The following HMCN1 variants were observed in gnomAD, a reference collection of about 807,000 sequenced individuals.
HMCN1 encodes the protein hemicentin 1, also known as hemicentin-1.
HMCN1 carries 321 observed loss-of-function variants against 625.9 expected under a neutral mutation model. The ratio of observed to expected loss-of-function variants is 0.51; its 90% confidence interval spans 0.47 to 0.56. The LOEUF (loss-of-function observed/expected upper bound fraction) is 0.56. Among genes scored for constraint, HMCN1 ranks in the 20% least tolerant of loss-of-function variants. The pLI is 0.00. For synonymous variants in HMCN1, 2,425 were observed against 2,417.6 expected, an observed-to-expected ratio of 1.00 and a Z score of -0.09; for missense variants, 6,588 against 6,887.3, an observed-to-expected ratio of 0.96 and a Z score of 1.54.
chr1:185,807,765 G>A (rs568951792), intron 1 of HMCN1, among the ~76,000 whole-genome samples: 1 of 152,204 alleles, frequency 6.6e-6, no homozygotes, highest in Admixed American at 6.5e-5. Context: ...TTCTGCAAAA[G>A]TCTTTTATGA....
rs139101272 is a variant in HMCN1 at position 186,154,469 on chromosome 1, C to T, written c.15256+482C>T. 2.7e-3 allele frequency among the ~76,000 whole-genome samples: 409 copies of T among 152,198 alleles called. 2 individuals are homozygous for T. The highest frequency in any genetic ancestry group is 9.0e-3 in the African/African-American group (373 of 41,508). On this transcript the variant is annotated intron_variant, in intron 97 of 106. Transcript: ENST00000271588. ...CCCAGGAGGCAGAGGTTGCAGTGAG[C>T]CGAGATCACGCCACTGCACTCCAGC...
intron 22 of HMCN1, among the ~76,000 whole-genome samples, chr1:185,991,598 C>T (rs1652426770): frequency 6.6e-6 from 1 of 152,048 alleles, no homozygotes; most frequent in South Asian, 2.1e-4. Flanking sequence ...CAACATTTAT[C>T]TACTATTATA....
chr1:185,861,731 T>C (rs1441293491), intron 2 of HMCN1, among the ~76,000 whole-genome samples: 4 of 152,196 alleles, frequency 2.6e-5, no homozygotes, highest in Non-Finnish European at 4.4e-5. Flanking sequence ...ATATGTTAAG[T>C]ACCACTAAAG....
chr1:185,956,622 T>C (rs1649648490), intron 11 of HMCN1, among the ~76,000 whole-genome samples: 1 of 151,046 alleles, frequency 6.6e-6, no homozygotes, highest in South Asian at 2.1e-4. Flanking sequence ...GAACCCTGGC[T>C]TTTTTTTTGG....
intron 40 of HMCN1, among the ~76,000 whole-genome samples, chr1:186,043,234 A>G (rs1220677718): frequency 1.3e-5 from 2 of 152,114 alleles, no homozygotes; most frequent in African/African-American, 4.8e-5. Context: ...CAACATAACC[A>G]CAAAGCAAAA....
chr1:186,114,911 G>A lies in HMCN1; in HGVS notation c.11369G>A (p.Gly3790Glu), dbSNP rs1225108257. The change falls in exon 74 of 107, where the codon GGA becomes GAA. Residue 3790 changes from glycine to glutamate, a missense_variant. Gly to Glu is a moderately conservative substitution (Grantham distance 98, BLOSUM62 -2). Around this residue, in one of 3 missense-constraint regions of HMCN1, gnomAD observed 4,628 missense variants for 4,853.1 expected, o/e 0.95. Coordinates refer to ENST00000271588, the MANE Select transcript of HMCN1 (RefSeq NM_031935.3). The stretch of plus-strand genomic sequence containing the variant: ...TTGTGTATGGCCACCAATGCTGCTG[G>A]AACAGATCGCAGGCGAATAGATTTA... ...RYLCMATNAAGTDRRRIDLQV... is the reference protein window; with the variant it reads ...RYLCMATNAAETDRRRIDLQV... The A allele has an allele frequency of 6.2e-7, 1 of 1,614,142 alleles. No individual in the cohort carries two copies. Among genetic ancestry groups the A allele is most frequent in the South Asian group, 1.1e-5 (1 of 91,076 alleles).
rs60296562 is a variant in HMCN1, at chr1:185,877,103, G to A, written c.621+11240G>A. Among the ~76,000 whole-genome samples, 1,371 of 151,862 alleles carry A rather than the reference G, an allele frequency of 9.0e-3. 19 individuals carry two copies. Among genetic ancestry groups the A allele is most frequent in the African/African-American group, 0.032 (1,317 of 41,474 alleles). ...TTTTGTATATTGTAAGAGATACAAA[G>A]GGTCTAATTTCATTTTTCTGCATAT... On this transcript the variant is annotated intron_variant, in intron 4 of 106. Transcript: ENST00000271588.
chr1:186,003,250 C>G (rs1163685532), intron 28 of HMCN1, among the ~76,000 whole-genome samples: 3 of 152,082 alleles, frequency 2.0e-5, no homozygotes, highest in African/African-American at 7.2e-5. Context: ...CATTATTTTT[C>G]ATGTTATATT....
At chr1:185,854,726 T>C (rs1440101467) in intron 2 of HMCN1, among the ~76,000 whole-genome samples, 2 of 152,180 alleles carry the variant, frequency 1.3e-5, no homozygotes, top group African/African-American at 4.8e-5. Context: ...ATTTTTTAAA[T>C]GACTACTAAA....
At chr1:185,893,873 C>T (rs1665306896) in intron 4 of HMCN1, among the ~76,000 whole-genome samples, 1 of 152,162 alleles carries the variant, frequency 6.6e-6, no homozygotes, top group South Asian at 2.1e-4. Context: ...ATAGCTAGCA[C>T]TCAGACTGAG....
chr1:186,075,461 CT>C (rs1244501120), intron 53 of HMCN1, among the ~76,000 whole-genome samples: 10 of 152,052 alleles, frequency 6.6e-5, no homozygotes, highest in African/African-American at 2.4e-4. Flanking sequence ...ATGATTATGG[CT>C]TTTAAAAGCT....
intron 11 of HMCN1, among the ~76,000 whole-genome samples, chr1:185,956,667 T>C (rs1649653360): frequency 1.3e-5 from 2 of 152,098 alleles, no homozygotes; most frequent in African/African-American, 4.8e-5. Flanking sequence ...TCTGTAGACA[T>C]GATTGATTAC....
At chr1:186,153,694 G>T (rs1228116187) in intron 96 of HMCN1, 56 bp from the exon 97 acceptor site, 1 of 1,456,216 alleles carries the variant, frequency 6.9e-7, no homozygotes, top group East Asian at 2.3e-5. Context: ...GTCCCCTTAA[G>T]GGAAAAAAAT....
intron 36 of HMCN1, 117 bp from the exon 37 acceptor site, chr1:186,037,817 G>A: frequency 1.4e-6 from 1 of 712,572 alleles, no homozygotes; most frequent in South Asian, 1.5e-5. Flanking sequence ...AAATAGGTCA[G>A]TGTATATATG....
At chr1:186,165,202 C>A (rs1651802992) in intron 98 of HMCN1, 29 bp downstream of exon 98, 4 of 1,586,970 alleles carry the variant, frequency 2.5e-6, no homozygotes, top group East Asian at 2.2e-5. Context: ...AAAGGGTTTT[C>A]TTTTAATGAA....
chr1:186,119,366 T>C, intron 78 of HMCN1, 68 bp downstream of exon 78: 2 of 1,117,456 alleles, frequency 1.8e-6, no homozygotes, highest in Non-Finnish European at 2.8e-6. Context: ...ATATTTATTC[T>C]GAAAGGTGGT....
chr1:186,145,507 A>G lies in HMCN1; in HGVS notation c.14371A>G (p.Asn4791Asp), dbSNP rs768196229. Residue 4791 changes from asparagine (N) to aspartate (D), a missense_variant, in exon 92 of 107, where the codon AAT becomes GAT. Physicochemically the swap from Asn to Asp is conservative, Grantham distance 23. Around this residue, in one of 3 missense-constraint regions of HMCN1, gnomAD observed 1,954 missense variants for 2,013.1 expected, o/e 0.97. Coordinates refer to ENST00000271588, the MANE Select transcript of HMCN1 (RefSeq NM_031935.3). Reference sequence around the variant, plus strand: ...CACATGTGATAACCCTCCTCCCTCCAATGGGGGAAGAGCTTGTGGGGGACC... The same window carrying G: ...CACATGTGATAACCCTCCTCCCTCCGATGGGGGAAGAGCTTGTGGGGGACC... ...YRTCDNPPPS[N>D]GGRACGGPDS... The G allele has an allele frequency of 1.1e-5, 18 of 1,613,990 alleles. No homozygotes were observed. The Admixed American group carries it at 3.0e-4, about 27-fold the overall frequency.
intron 31 of HMCN1, 104 bp from the exon 32 acceptor site, chr1:186,015,853 TG>T: frequency 9.3e-7 from 1 of 1,080,980 alleles, no homozygotes; most frequent in Non-Finnish European, 1.4e-6. Context: ...TAGATTTTAA[TG>T]GTCAAACTTT....
intron 1 of HMCN1, among the ~76,000 whole-genome samples, chr1:185,844,668 TAAG>T (rs923113106): frequency 6.6e-6 from 1 of 152,206 alleles, no homozygotes; most frequent in African/African-American, 2.4e-5. Flanking sequence ...TTACATAAGA[TAAG>T]AAGCTTTTCA....
Sources: gnomAD v4.1 joint callset for allele counts (sites outside exome capture counted in the v4.1 genomes callset) on GRCh38, gnomAD v4.1.1 for gene constraint, gnomAD v4.1.1 regional missense constraint, MANE v1.5 for transcripts, NCBI Gene and HGNC (gene_info 2026-07-23, HGNC 2026-07-21) for gene names.